Variants in DSCAM observed in about 807,000 individuals in gnomAD.
DSCAM encodes the protein DS cell adhesion molecule, also known as cell adhesion molecule DSCAM.
DSCAM carries 47 observed loss-of-function variants against 217.7 expected under a neutral mutation model. The ratio of observed to expected loss-of-function variants is 0.22; its 90% CI spans 0.17 to 0.28. The LOEUF is 0.28. DSCAM is among the 10% of genes least tolerant of loss of function. DSCAM has a pLI of 1.00. For synonymous variants in DSCAM, 1,056 were observed against 1,015.3 expected (o/e 1.04, Z -0.76); for missense variants, 2,080 against 2,618.3 (o/e 0.79, Z 4.49).
At chr21:40,186,214 T>C (rs1164687428) in intron 14 of DSCAM, among the ~76,000 whole-genome samples, 1 of 152,120 alleles carries the variant, frequency 6.6e-6, no homozygotes, top group African/African-American at 2.4e-5. Context: ...ATTTCCTCAC[T>C]CCTGACCTGT....
chr21:40,617,119 CT>C (rs1178735630), intron 3 of DSCAM, among the ~76,000 whole-genome samples: 193 of 112,654 alleles, frequency 1.7e-3, no homozygotes, highest in Admixed American at 3.9e-3. Flanking sequence ...CAGAACCAGT[CT>C]TTTTTTTTTT....
At chr21:40,515,523 C>T (rs1356197561) in intron 3 of DSCAM, among the ~76,000 whole-genome samples, 3 of 152,138 alleles carry the variant, frequency 2.0e-5, no homozygotes, top group African/African-American at 4.8e-5. Context: ...TATACAACCA[C>T]GGAACGGTGA....
chr21:40,464,491 C>G (rs900430431), intron 3 of DSCAM, among the ~76,000 whole-genome samples: 2 of 152,206 alleles, frequency 1.3e-5, no homozygotes, highest in African/African-American at 4.8e-5. Flanking sequence ...AACCCCCATA[C>G]ACACAAAGGC....
chr21:40,227,044 C>T (rs1294385632), intron 11 of DSCAM, among the ~76,000 whole-genome samples: 2 of 152,120 alleles, frequency 1.3e-5, no homozygotes, highest in South Asian at 2.1e-4. Flanking sequence ...ATAATGGTCT[C>T]CAGCTCCATC....
intron 15 of DSCAM, among the ~76,000 whole-genome samples, chr21:40,170,007 C>A (rs2090638226): frequency 6.6e-6 from 1 of 152,154 alleles, no homozygotes; most frequent in African/African-American, 2.4e-5. Flanking sequence ...GGACATGGCC[C>A]CAGAGCACAA....
chr21:40,160,015 G>A (rs2090522871), intron 16 of DSCAM, among the ~76,000 whole-genome samples: 3 of 152,210 alleles, frequency 2.0e-5, no homozygotes, highest in Non-Finnish European at 4.4e-5. Context: ...GGTGGGGTGG[G>A]CGGAATCAGC....
chr21:40,205,696 C>G (rs1387136768), intron 11 of DSCAM, among the ~76,000 whole-genome samples: 1 of 151,756 alleles, frequency 6.6e-6, no homozygotes, highest in Non-Finnish European at 1.5e-5. Context: ...AAAAAATGAT[C>G]TGTTGAAGTA....
At chr21:40,545,686 A>G (rs1233994758) in intron 3 of DSCAM, among the ~76,000 whole-genome samples, 2 of 152,128 alleles carry the variant, frequency 1.3e-5, no homozygotes, top group Admixed American at 1.3e-4. Flanking sequence ...AAATATGCAC[A>G]CCATCCCAGC....
chr21:40,517,103 C>A (rs547971715), intron 3 of DSCAM, among the ~76,000 whole-genome samples: 1 of 147,028 alleles, frequency 6.8e-6, no homozygotes. Flanking sequence ...CACATATATA[C>A]CCCCACACAT....
chr21:40,136,090 G>A (rs1165925973), intron 18 of DSCAM, among the ~76,000 whole-genome samples: 1 of 152,196 alleles, frequency 6.6e-6, no homozygotes, highest in African/African-American at 2.4e-5. Context: ...GTCTTCTAGG[G>A]AGGCCAGCAG....
At chr21:40,174,652 C>CT (rs1172601936) in intron 15 of DSCAM, among the ~76,000 whole-genome samples, 1 of 151,958 alleles carries the variant, frequency 6.6e-6, no homozygotes, top group Admixed American at 6.6e-5. Context: ...CTATGGCTCA[C>CT]TGAGGGGGTA....
chr21:40,220,777 T>C (rs1417626838), intron 11 of DSCAM, among the ~76,000 whole-genome samples: 2 of 152,094 alleles, frequency 1.3e-5, no homozygotes, highest in East Asian at 3.9e-4. Flanking sequence ...TGGATAGAGG[T>C]ATTGTGCATG....
intron 3 of DSCAM, among the ~76,000 whole-genome samples, chr21:40,397,909 A>G (rs1171550460): frequency 6.6e-6 from 1 of 151,932 alleles, no homozygotes; most frequent in Admixed American, 6.6e-5. Flanking sequence ...TATTATTGCT[A>G]TACCATTATT....
Position 40,085,672 on chromosome 21 carries a change from G to A in DSCAM, c.4062C>T (p.Ser1354=), listed in dbSNP as rs371675625. ...TATTGGCAATGCAGCTGTAATAGCCGGAGTCTTCTGCTTTCACCGTGCGAA... is the reference window on the plus strand; with the variant it reads ...TATTGGCAATGCAGCTGTAATAGCCAGAGTCTTCTGCTTTCACCGTGCGAA... ...FIIRTVKAED[S]GYYSCIANNN... is the part of the protein sequence containing the mutation. The change falls in exon 23 of 33, where the codon TCC becomes TCT. Residue 1354 remains serine, a synonymous_variant. Coordinates refer to ENST00000400454, the MANE Select transcript of DSCAM (RefSeq NM_001389.5). 81 of 1,595,046 alleles carry A rather than the reference G, an allele frequency of 5.1e-5. No individual in the cohort carries two copies. The highest frequency in any genetic ancestry group is 4.5e-4 in the African/African-American group (34 of 74,840).
intron 10 of DSCAM, among the ~76,000 whole-genome samples, chr21:40,285,567 G>A (rs2123412922): frequency 6.6e-6 from 1 of 152,176 alleles, no homozygotes; most frequent in South Asian, 2.1e-4. Flanking sequence ...CTCTGCTAAG[G>A]TTTTTCCTAC....
intron 1 of DSCAM, among the ~76,000 whole-genome samples, chr21:40,746,338 A>G (rs1255650236): frequency 2.0e-5 from 3 of 150,486 alleles, no homozygotes; most frequent in Non-Finnish European, 3.0e-5. Flanking sequence ...TGCACAGACT[A>G]AAGAGATGGA....
intron 3 of DSCAM, among the ~76,000 whole-genome samples, chr21:40,669,582 TTATA>T (rs150530466): frequency 0.15 from 6,300 of 42,826 alleles, 353 homozygotes; most frequent in East Asian, 0.37. Context: ...CCAAATGTTG[TTATA>T]TATATTTTTT....
intron 12 of DSCAM, 141 bp downstream of exon 12, chr21:40,188,901 T>C: frequency 1.2e-6 from 1 of 813,196 alleles, no homozygotes; most frequent in African/African-American, 1.7e-5. Context: ...AATCTCGCTG[T>C]GTGAAAGGGG....
At chr21:40,117,081 A>AG (rs759522412) in intron 20 of DSCAM, among the ~76,000 whole-genome samples, 1 of 151,552 alleles carries the variant, frequency 6.6e-6, no homozygotes, top group East Asian at 2.0e-4. Context: ...TTTCTATGTA[A>AG]GTGATTTAAA....
Sources: gnomAD v4.1 joint callset for allele counts (sites outside exome capture counted in the v4.1 genomes callset) on GRCh38, gnomAD v4.1.1 for gene constraint, MANE v1.5 for transcripts, NCBI Gene and HGNC (gene_info 2026-07-23, HGNC 2026-07-21) for gene names.